Variants in CLIC4 observed in about 807,000 individuals in gnomAD.
CLIC4 encodes CLIC family member 4.
Under a neutral mutation model 24.6 loss-of-function variants are expected in CLIC4, and 13 were observed. The observed-to-expected ratio is 0.53, with a 90% CI of 0.34 to 0.84. CLIC4 has a LOEUF of 0.84. Among genes scored for constraint, CLIC4 ranks in the 40% least tolerant of loss-of-function variants. CLIC4 has a pLI of 0.01. For synonymous variants in CLIC4, 104 were observed against 111.3 expected (o/e 0.93, Z 0.41); for missense variants, 227 against 301.7 (o/e 0.75, Z 1.83).
Position 24,840,776 on chromosome 1 carries a change from G to T in CLIC4, c.601G>T (p.Val201Leu). ...LLPKLHIVKV[V>L]AKKYRNFDIP... is the part of the protein sequence containing the mutation. ...TTTTGATCTCTTTGTATTTCAGGTG[G>T]TGGCCAAAAAATATCGCAACTTTGA... The change falls in exon 6 of 6, where the codon GTG (valine) becomes TTG (leucine). Residue 201 changes from valine to leucine, a missense_variant. Physicochemically the swap from Val to Leu is conservative, Grantham distance 32. Coordinates refer to ENST00000374379, the MANE Select transcript of CLIC4 (RefSeq NM_013943.3). The T allele has an allele frequency of 6.2e-7, 1 of 1,603,962 alleles. No homozygotes were observed. Among genetic ancestry groups the T allele is most frequent in the Non-Finnish European group, 8.5e-7 (1 of 1,175,560 alleles).
chr1:24,762,790 AG>A (rs1418862590), intron 1 of CLIC4, among the ~76,000 whole-genome samples: 3 of 152,168 alleles, frequency 2.0e-5, no homozygotes, highest in African/African-American at 7.2e-5. Flanking sequence ...AAGAGACTGG[AG>A]TCAGTGTGTA....
chr1:24,747,772 G>A (rs557063343), intron 1 of CLIC4, among the ~76,000 whole-genome samples: 9 of 151,982 alleles, frequency 5.9e-5, no homozygotes, highest in Non-Finnish European at 1.3e-4. Context: ...CGGGTGAGGT[G>A]ACTCACACCT....
At chr1:24,751,528 G>A (rs951646111) in intron 1 of CLIC4, among the ~76,000 whole-genome samples, 2 of 152,068 alleles carry the variant, frequency 1.3e-5, no homozygotes, top group African/African-American at 4.8e-5. Flanking sequence ...GTGAGCCACC[G>A]TGCCAGTCTT....
At chr1:24,753,698 A>G (rs1638807148) in intron 1 of CLIC4, among the ~76,000 whole-genome samples, 1 of 152,174 alleles carries the variant, frequency 6.6e-6, no homozygotes, top group African/African-American at 2.4e-5. Flanking sequence ...GTTTTTGTTA[A>G]TGTATACATT....
intron 1 of CLIC4, among the ~76,000 whole-genome samples, chr1:24,759,954 G>A (rs952633787): frequency 6.6e-6 from 1 of 151,634 alleles, no homozygotes; most frequent in African/African-American, 2.4e-5. Context: ...GAGTGAGACC[G>A]TGTCTCAAAA....
intron 1 of CLIC4, among the ~76,000 whole-genome samples, chr1:24,753,779 G>T (rs773637602): frequency 6.6e-6 from 1 of 152,120 alleles, no homozygotes; most frequent in African/African-American, 2.4e-5. Context: ...TAACTTTTCA[G>T]TGGCACTTGG....
chr1:24,839,531 C>T (rs191846012), intron 4 of CLIC4, among the ~76,000 whole-genome samples: 2 of 152,232 alleles, frequency 1.3e-5, no homozygotes, highest in Admixed American at 1.3e-4. Flanking sequence ...GATCTCCTGA[C>T]CTCGTGATCT....
chr1:24,783,005 A>C (rs919823406), intron 1 of CLIC4, among the ~76,000 whole-genome samples: 12 of 151,968 alleles, frequency 7.9e-5, no homozygotes, highest in African/African-American at 2.9e-4. Context: ...AAACAAAAAC[A>C]AAAAAACAGT....
intron 2 of CLIC4, among the ~76,000 whole-genome samples, chr1:24,800,738 T>A (rs915113270): frequency 1.3e-5 from 2 of 152,240 alleles, no homozygotes; most frequent in African/African-American, 4.8e-5. Flanking sequence ...TTCTTCTGCC[T>A]TGGGATCTTG....
chr1:24,820,735 CTA>C (rs1157315491), intron 3 of CLIC4, among the ~76,000 whole-genome samples: 4 of 152,196 alleles, frequency 2.6e-5, no homozygotes, highest in East Asian at 1.9e-4. Flanking sequence ...ATGAAGGAAA[CTA>C]TTTTGTTTTA....
intron 1 of CLIC4, among the ~76,000 whole-genome samples, chr1:24,750,494 T>A (rs1188310514): frequency 6.7e-6 from 1 of 150,262 alleles, no homozygotes; most frequent in African/African-American, 2.5e-5. Flanking sequence ...GCCTCCCGAG[T>A]GGCTGGGACT....
At chr1:24,769,158 A>G (rs1571234996) in intron 1 of CLIC4, among the ~76,000 whole-genome samples, 1 of 135,540 alleles carries the variant, frequency 7.4e-6, no homozygotes, top group African/African-American at 2.5e-5. Flanking sequence ...AAAAAAACAT[A>G]ATGTAAGAAT....
rs1220732554 is a variant in CLIC4 at position 24,799,568 on chromosome 1, CCCGGCCAGCCGCCCCG to C, written c.182+1718_182+1733del. Among the ~76,000 whole-genome samples the C allele has an allele frequency of 2.5e-4, 37 of 149,648 alleles. No individual in the cohort carries two copies. The South Asian group carries it at 4.2e-3, about 17-fold the overall frequency. Reference sequence around the variant, plus strand: ...ATCTGGGAAGTGAGGAGCGTCTCCGCCCGGCCAGCCGCCCCGTCGGGGAGGGAGGTGGGGGGGTCAG... The same window carrying C: ...ATCTGGGAAGTGAGGAGCGTCTCCGCTCGGGGAGGGAGGTGGGGGGGTCAG... On this transcript the variant is annotated intron_variant, in intron 2 of 5. Coordinates refer to ENST00000374379, the MANE Select transcript of CLIC4 (RefSeq NM_013943.3).
intron 1 of CLIC4, among the ~76,000 whole-genome samples, chr1:24,755,620 A>G (rs1638837790): frequency 6.6e-6 from 1 of 151,826 alleles, no homozygotes; most frequent in Non-Finnish European, 1.5e-5. Context: ...TAAAAAAAAA[A>G]AAGAAAAGAA....
At chr1:24,772,254 C>CT (rs890417855) in intron 1 of CLIC4, among the ~76,000 whole-genome samples, 46 of 148,216 alleles carry the variant, frequency 3.1e-4, no homozygotes, top group East Asian at 9.8e-4. Context: ...TCTTCTTCTT[C>CT]TTTTTTTTTT....
chr1:24,806,100 A>C lies in CLIC4; in HGVS notation c.183-7994A>C, dbSNP rs137879057. On this transcript the variant is annotated intron_variant, in intron 2 of 5. Transcript: ENST00000374379. ...GAAATATTTGAATGAGTTTTAATCA[A>C]GTGTTGAGTATTTACTGAAGGCCTT... Among the ~76,000 whole-genome samples the C allele has an allele frequency of 2.3e-3, 356 of 152,364 alleles. 2 individuals carry two copies. Among genetic ancestry groups the C allele is most frequent in the African/African-American group, 8.2e-3 (339 of 41,580 alleles).
At chr1:24,800,363 C>T (rs547796068) in intron 2 of CLIC4, among the ~76,000 whole-genome samples, 3,574 of 140,026 alleles carry the variant, frequency 0.026, 168 homozygotes, top group African/African-American at 0.094. Flanking sequence ...AGCCCCCCAC[C>T]CGGCCAGCCG....
rs1261524618 is a variant in CLIC4, at chr1:24,800,386, G to T, written c.182+2535G>T. Among the ~76,000 whole-genome samples, 78 of 147,040 alleles carry T rather than the reference G, an allele frequency of 5.3e-4. 1 individual carries two copies. Among genetic ancestry groups the T allele is most frequent in the African/African-American group, 1.9e-3 (76 of 39,766 alleles). ...ACCCGGCCAGCCGCCCCGTCCGGGA[G>T]GGAGGTGGGGGGGTCAGCCCCCAGC... On this transcript the variant is annotated intron_variant, in intron 2 of 5. Transcript: ENST00000374379.
At chr1:24,771,757 A>G in intron 1 of CLIC4, 1 of 407,370 alleles carries the variant, frequency 2.5e-6, no homozygotes, top group Non-Finnish European at 4.9e-6. Context: ...GGGGTTTTGT[A>G]ACTAGCTACT....
Sources: gnomAD v4.1 joint callset for allele counts (sites outside exome capture counted in the v4.1 genomes callset) on GRCh38, gnomAD v4.1.1 for gene constraint, MANE v1.5 for transcripts, NCBI Gene and HGNC (gene_info 2026-07-23, HGNC 2026-07-21) for gene names.